Variants in NT5DC1 observed in about 807,000 individuals in gnomAD.
The protein encoded by NT5DC1 is 5'-nucleotidase domain containing 1.
NT5DC1 carries 42 observed loss-of-function variants against 59.4 expected under a neutral mutation model. That is an observed-to-expected ratio of 0.71 (90% CI 0.55 to 0.92). NT5DC1 has a LOEUF of 0.92. Ranked by LOEUF, NT5DC1 falls within the 40% of genes least tolerant of loss-of-function variation. The probability of loss-of-function intolerance (pLI) is 0.00; values close to 1 mark genes in which losing one functional copy is unlikely to be tolerated. For synonymous variants in NT5DC1, 172 were observed against 188.1 expected (o/e 0.91, Z 0.70); for missense variants, 501 against 537.1 (o/e 0.93, Z 0.66).
intron 6 of NT5DC1, among the ~76,000 whole-genome samples, chr6:116,219,984 AC>A (rs56898929): frequency 0.24 from 25,212 of 104,128 alleles, 5,107 homozygotes; most frequent in African/African-American, 0.41. Context: ...AAAAAAAAAA[AC>A]AACTCTTCTT....
intron 6 of NT5DC1, among the ~76,000 whole-genome samples, chr6:116,189,086 G>T (rs1781064931): frequency 6.6e-6 from 1 of 151,736 alleles, no homozygotes; most frequent in South Asian, 2.1e-4. Context: ...CATTGCAATT[G>T]ATTTTTTAAT....
intron 6 of NT5DC1, among the ~76,000 whole-genome samples, chr6:116,197,443 T>C (rs1781257165): frequency 6.6e-6 from 1 of 152,038 alleles, no homozygotes; most frequent in Admixed American, 6.6e-5. Flanking sequence ...CTGGGAAGAA[T>C]CTTCCCGGTC....
intron 6 of NT5DC1, among the ~76,000 whole-genome samples, chr6:116,216,915 A>G (rs1582878481): frequency 6.6e-6 from 1 of 152,254 alleles, no homozygotes; most frequent in Middle Eastern, 3.4e-3. Flanking sequence ...TAACTTGTAA[A>G]GGTTGTAAAT....
intron 6 of NT5DC1, among the ~76,000 whole-genome samples, chr6:116,154,528 G>A (rs1169603354): frequency 6.6e-6 from 1 of 151,484 alleles, no homozygotes; most frequent in Non-Finnish European, 1.5e-5. Flanking sequence ...AACAAATGCT[G>A]ATGAAAAAAA....
At chr6:116,106,477 A>G (rs1778771172) in intron 2 of NT5DC1, 142 bp downstream of exon 2, 1 of 596,142 alleles carries the variant, frequency 1.7e-6, no homozygotes, top group South Asian at 2.2e-5. Context: ...TGCCTTCTAT[A>G]TTAAAAGTTT....
chr6:116,237,494 C>G (rs1433824677), intron 9 of NT5DC1: 4 of 457,664 alleles, frequency 8.7e-6, no homozygotes, highest in South Asian at 3.1e-5. Context: ...GCTGAGAGAT[C>G]GTGGGGTAAC....
At chr6:116,162,686 T>C (rs925683775) in intron 6 of NT5DC1, among the ~76,000 whole-genome samples, 29 of 152,210 alleles carry the variant, frequency 1.9e-4, no homozygotes, top group Admixed American at 1.9e-3. Context: ...TAGTATTTTG[T>C]TGAGGACTTT....
chr6:116,247,847 A>G lies in NT5DC1; in HGVS notation c.*3823A>G, dbSNP rs1045989484. 6.6e-6 allele frequency: 1 copy of G among 152,216 alleles called. No individual in the cohort carries two copies. The highest frequency in any genetic ancestry group is 1.5e-5 in the Non-Finnish European group (1 of 68,020). The allele number at this position is 152,216 out of a possible 1,614,324, so 9.4% of individuals were successfully genotyped here. A position where few individuals can be genotyped will look rare whatever the true frequency, so the allele number is the denominator to read the frequency against. ...TTAACAGAAATGTCAGCGGTTACTTACAATGCTTAGCAGCTAAATTCCATG... is the reference window on the plus strand; with the variant it reads ...TTAACAGAAATGTCAGCGGTTACTTGCAATGCTTAGCAGCTAAATTCCATG... On this transcript the variant is annotated 3_prime_UTR_variant, in exon 12 of 12. Coordinates refer to ENST00000319550, the MANE Select transcript of NT5DC1 (RefSeq NM_152729.3).
intron 6 of NT5DC1, among the ~76,000 whole-genome samples, chr6:116,171,601 A>G (rs1780609227): frequency 6.6e-6 from 1 of 152,214 alleles, no homozygotes; most frequent in Non-Finnish European, 1.5e-5. Flanking sequence ...TTTAGGTAGG[A>G]AAAGCAGGAA....
intron 6 of NT5DC1, among the ~76,000 whole-genome samples, chr6:116,157,316 G>A (rs893405952): frequency 4.6e-5 from 7 of 152,098 alleles, no homozygotes; most frequent in South Asian, 2.1e-4. Context: ...AGTTGTCAAC[G>A]TAACTTGGTT....
At chr6:116,169,997 C>A (rs1780568423) in intron 6 of NT5DC1, among the ~76,000 whole-genome samples, 1 of 152,048 alleles carries the variant, frequency 6.6e-6, no homozygotes, top group Non-Finnish European at 1.5e-5. Context: ...ACCTGTTGAG[C>A]CATTGGGTAA....
Position 116,221,193 on chromosome 6 carries a change from T to A in NT5DC1, c.669T>A (p.Ser223Arg). ...TTCTGTTAATTACCAGTTCTCACAGTGATTACTGTAGACTTCTCTGCGAAT... is the reference window on the plus strand; with the variant it reads ...TTCTGTTAATTACCAGTTCTCACAGAGATTACTGTAGACTTCTCTGCGAAT... ...KILLLITSSH[S>R]DYCRLLCEYI... The change falls in exon 7 of 12, where the codon AGT (serine) becomes AGA (arginine). Residue 223 changes from serine to arginine, a missense_variant. Coordinates refer to ENST00000319550, the MANE Select transcript of NT5DC1 (RefSeq NM_152729.3). The A allele has an allele frequency of 6.2e-7, 1 of 1,601,900 alleles. No individual in the cohort carries two copies. Among genetic ancestry groups the A allele is most frequent in the Non-Finnish European group, 8.6e-7 (1 of 1,169,424 alleles).
chr6:116,181,400 AAAT>A (rs1232396437), intron 6 of NT5DC1, among the ~76,000 whole-genome samples: 1 of 152,138 alleles, frequency 6.6e-6, no homozygotes, highest in Non-Finnish European at 1.5e-5. Flanking sequence ...TGATATTAGC[AAAT>A]AATTTATGAT....
chr6:116,219,621 C>T (rs962073020), intron 6 of NT5DC1, among the ~76,000 whole-genome samples: 5 of 152,040 alleles, frequency 3.3e-5, no homozygotes, highest in African/African-American at 1.2e-4. Context: ...ATATTTGCTA[C>T]CGTTTTTTGT....
intron 6 of NT5DC1, among the ~76,000 whole-genome samples, chr6:116,160,952 CAAT>C (rs1469425144): frequency 4.6e-5 from 7 of 151,728 alleles, no homozygotes; most frequent in Non-Finnish European, 7.4e-5. Context: ...AGATGTCCAA[CAAT>C]GATAGACTGG....
chr6:116,130,376 T>C (rs1426777674), intron 6 of NT5DC1, among the ~76,000 whole-genome samples: 1 of 152,134 alleles, frequency 6.6e-6, no homozygotes, highest in African/African-American at 2.4e-5. Context: ...CAGAATTTTT[T>C]CCCCATTTTT....
chr6:116,220,122 C>CTTTTTTTTTTTTTTTTTTTTTT (rs60827021), intron 6 of NT5DC1, among the ~76,000 whole-genome samples: 6 of 98,618 alleles, frequency 6.1e-5, no homozygotes, highest in African/African-American at 2.2e-4. Flanking sequence ...GCTGTTTAAC[C>CTTTTTTTTTTTTTTTTTTTTTT]TTTTTTTTTT....
chr6:116,224,944 A>G (rs1356962963), intron 8 of NT5DC1, among the ~76,000 whole-genome samples: 1 of 152,222 alleles, frequency 6.6e-6, no homozygotes, highest in Non-Finnish European at 1.5e-5. Context: ...CCAGAGCGAC[A>G]GTACTGGAAA....
intron 6 of NT5DC1, chr6:116,120,800 G>C (rs1255733039): frequency 6.2e-7 from 1 of 1,612,546 alleles, no homozygotes; most frequent in Admixed American, 1.7e-5. Flanking sequence ...TCTTGGGCCA[G>C]CCTCTCCATT....
Sources: gnomAD v4.1 joint callset for allele counts (sites outside exome capture counted in the v4.1 genomes callset) on GRCh38, gnomAD v4.1.1 for gene constraint, MANE v1.5 for transcripts, NCBI Gene and HGNC (gene_info 2026-07-23, HGNC 2026-07-21) for gene names.